The following ADAMTSL3 variants were observed in gnomAD, a reference collection of about 807,000 sequenced individuals.
ADAMTSL3 encodes ADAMTS like 3.
Under a neutral mutation model 201.7 loss-of-function variants are expected in ADAMTSL3, and 128 were observed. The ratio of observed to expected loss-of-function variants is 0.63; its 90% confidence interval spans 0.55 to 0.73. The LOEUF is 0.73. Ranked by LOEUF, ADAMTSL3 falls within the 30% of genes least tolerant of loss-of-function variation. The pLI is 0.00. For synonymous variants in ADAMTSL3, 738 were observed against 748.4 expected (o/e 0.99, Z 0.23); for missense variants, 1,990 against 2,119.6 (o/e 0.94, Z 1.20).
intron 4 of ADAMTSL3, among the ~76,000 whole-genome samples, chr15:83,787,744 G>T (rs35946026): frequency 0.27 from 41,729 of 151,802 alleles, 5,942 homozygotes; most frequent in Middle Eastern, 0.37. Flanking sequence ...TAGGCACTAC[G>T]CATTAGAGTC....
chr15:83,968,634 C>T (rs565635831), intron 19 of ADAMTSL3, among the ~76,000 whole-genome samples: 1 of 152,302 alleles, frequency 6.6e-6, no homozygotes, highest in African/African-American at 2.4e-5. Context: ...ATCAGAAATA[C>T]CATTTGATCC....
At chr15:83,684,111 A>T (rs541029769) in intron 2 of ADAMTSL3, among the ~76,000 whole-genome samples, 1 of 152,316 alleles carries the variant, frequency 6.6e-6, no homozygotes, top group East Asian at 1.9e-4. Flanking sequence ...GGATAACATT[A>T]ATTTATCTTG....
chr15:83,675,691 T>C (rs2061395145), intron 2 of ADAMTSL3, among the ~76,000 whole-genome samples: 1 of 151,998 alleles, frequency 6.6e-6, no homozygotes, highest in South Asian at 2.1e-4. Context: ...TGGTGTTCTT[T>C]ACATGTTTGG....
intron 5 of ADAMTSL3, among the ~76,000 whole-genome samples, chr15:83,814,208 G>A (rs72746958): frequency 0.13 from 19,695 of 152,098 alleles, 1,635 homozygotes; most frequent in South Asian, 0.27. Flanking sequence ...TCTCTTGAAG[G>A]TGTTCTTTTC....
intron 4 of ADAMTSL3, among the ~76,000 whole-genome samples, chr15:83,800,470 A>T (rs1044534266): frequency 2.0e-5 from 3 of 152,170 alleles, no homozygotes; most frequent in African/African-American, 7.2e-5. Flanking sequence ...CACATGGTCT[A>T]CACTGAAGGC....
intron 7 of ADAMTSL3, among the ~76,000 whole-genome samples, chr15:83,844,650 G>A (rs1486169384): frequency 1.3e-5 from 2 of 152,154 alleles, no homozygotes; most frequent in Non-Finnish European, 2.9e-5. Context: ...ATTTAATTCA[G>A]CAAGGGAGAG....
At chr15:83,775,416 A>G (rs1229144708) in intron 4 of ADAMTSL3, among the ~76,000 whole-genome samples, 1 of 152,052 alleles carries the variant, frequency 6.6e-6, no homozygotes. Flanking sequence ...ACCATGAATA[A>G]CCACTTTCAT....
chr15:83,922,670 C>T (rs183266172), intron 16 of ADAMTSL3, among the ~76,000 whole-genome samples: 1 of 152,152 alleles, frequency 6.6e-6, no homozygotes, highest in Non-Finnish European at 1.5e-5. Flanking sequence ...TGCATCCTGC[C>T]ATGGCAGGGA....
chr15:83,914,032 AAGAT>A (rs956932655), intron 16 of ADAMTSL3, among the ~76,000 whole-genome samples: 23 of 152,294 alleles, frequency 1.5e-4, no homozygotes, highest in African/African-American at 5.5e-4. Context: ...TGAAAGTAAA[AAGAT>A]AGAAATAACA....
chr15:83,780,611 G>A (rs1014872351), intron 4 of ADAMTSL3, among the ~76,000 whole-genome samples: 53 of 152,092 alleles, frequency 3.5e-4, no homozygotes, highest in Non-Finnish European at 7.4e-5. Flanking sequence ...AATTTTGGAT[G>A]AGGCAATCAG....
chr15:83,942,897 T>G lies in ADAMTSL3; in HGVS notation c.2311-6T>G. 6.2e-7 allele frequency: 1 copy of G among 1,611,040 alleles called. No homozygotes were observed. Among genetic ancestry groups the G allele is most frequent in the Non-Finnish European group, 8.5e-7 (1 of 1,178,524 alleles). On this transcript the variant is annotated splice_region_variant and splice_polypyrimidine_tract_variant and intron_variant, in intron 18 of 29. Coordinates refer to ENST00000286744, the MANE Select transcript of ADAMTSL3 (RefSeq NM_207517.3). ...CCTGCCGCCTCACCCCCTCTTGTCT[T>G]CTTAGTGTTCCAGGACTTGTGGCGG... is the stretch of plus-strand genomic sequence containing the variant.
intron 5 of ADAMTSL3, among the ~76,000 whole-genome samples, chr15:83,818,007 A>C (rs368965845): frequency 1.3e-5 from 2 of 152,190 alleles, no homozygotes; most frequent in African/African-American, 4.8e-5. Context: ...GCAAGACTCT[A>C]TTTCAAAAAG....
intron 17 of ADAMTSL3, among the ~76,000 whole-genome samples, chr15:83,928,820 C>T (rs553331690): frequency 2.0e-5 from 3 of 152,274 alleles, no homozygotes; most frequent in South Asian, 2.1e-4. Flanking sequence ...CTAAATCAAA[C>T]ATTTTCCCCC....
At chr15:83,971,697 A>G (rs2067200238) in intron 20 of ADAMTSL3, among the ~76,000 whole-genome samples, 1 of 151,362 alleles carries the variant, frequency 6.6e-6, no homozygotes. Context: ...GAAGGGAGGT[A>G]GGGAACAGGC....
At chr15:83,842,821 T>C (rs1567183057) in intron 7 of ADAMTSL3, among the ~76,000 whole-genome samples, 1 of 152,106 alleles carries the variant, frequency 6.6e-6, no homozygotes, top group African/African-American at 2.4e-5. Context: ...AGAAAGACAA[T>C]AGCCAGATCC....
At chr15:83,801,684 ATATATATATATG>A (rs1475664780) in intron 4 of ADAMTSL3, among the ~76,000 whole-genome samples, 1 of 87,760 alleles carries the variant, frequency 1.1e-5, no homozygotes, top group Non-Finnish European at 2.4e-5. Context: ...ATATATATAT[ATATATATATATG>A]TATGTATGAG....
At chr15:83,727,816 TGAG>T (rs1314236403) in intron 3 of ADAMTSL3, among the ~76,000 whole-genome samples, 60 of 152,148 alleles carry the variant, frequency 3.9e-4, no homozygotes, top group African/African-American at 1.4e-3. Context: ...AGCCATGTGT[TGAG>T]GAGAAGAAAG....
At chr15:83,656,072 C>T (rs2141345509) in intron 2 of ADAMTSL3, among the ~76,000 whole-genome samples, 1 of 152,248 alleles carries the variant, frequency 6.6e-6, no homozygotes, top group Middle Eastern at 3.4e-3. Flanking sequence ...ATACCATACA[C>T]CGGTGATGAC....
In ADAMTSL3 at chr15:83,891,364, TC is replaced by T; in HGVS notation, c.1249del (p.Gln417AsnfsTer30). On this transcript the variant is annotated frameshift_variant, in exon 12 of 30. Transcript: ENST00000286744. LOFTEE classifies it high-confidence loss of function. Reference protein sequence around the residue: ...GFKEIMPYDHFQPLPRWEHNP... With the variant: ...GFKEIMPYDHXQPLPRWEHNP... Reference sequence around the variant, plus strand: ...AAAGAGATAATGCCCTATGACCACTTCCAACCTCTTCCTCGGTGAGTTATAT... The same window carrying T: ...AAAGAGATAATGCCCTATGACCACTTCAACCTCTTCCTCGGTGAGTTATAT... 3 of 1,612,954 alleles carry T rather than the reference TC, an allele frequency of 1.9e-6. No homozygotes were observed. Among genetic ancestry groups the T allele is most frequent in the Non-Finnish European group, 2.5e-6 (3 of 1,179,070 alleles).
Sources: allele counts gnomAD v4.1 joint callset (sites outside exome capture counted in the v4.1 genomes callset), GRCh38; gene constraint gnomAD v4.1.1; transcripts MANE v1.5; gene names NCBI Gene and HGNC (gene_info 2026-07-23, HGNC 2026-07-21).